RTL4: variants seen among roughly 807,000 people sequenced by gnomAD.
RTL4 encodes the protein retrotransposon Gag like 4, also known as retrotransposon Gag-like protein 4.
Under a neutral mutation model 5.3 loss-of-function variants are expected in RTL4, and 4 were observed. The ratio of observed to expected loss-of-function variants is 0.75; its 90% CI spans 0.37 to 1.72. The LOEUF is 1.72. Among genes scored for constraint, RTL4 ranks in the 40% most tolerant of loss-of-function variants. The pLI, the probability that RTL4 is intolerant of heterozygous loss-of-function variation, is 0.04. For synonymous variants in RTL4, 98 were observed against 87.3 expected, an observed-to-expected ratio of 1.12 and a Z score of -0.68; for missense variants, 260 against 227.1, an observed-to-expected ratio of 1.14 and a Z score of -0.93.
chrX:112,452,807 G>A (rs1252012697), upstream of RTL4, among the ~76,000 whole-genome samples: 9 of 111,385 alleles, frequency 8.1e-5, no homozygotes, highest in East Asian at 8.6e-4. Context: ...CGAGGCAGGC[G>A]GATCACCTGA....
chrX:112,325,389 G>T, the RTL4 span, among the ~76,000 whole-genome samples: 1 of 111,667 alleles, frequency 9.0e-6, no homozygotes, highest in Admixed American at 9.5e-5. Context: ...CACACTACCT[G>T]ACTTCAAACT....
At chrX:112,203,142 G>A in the RTL4 span, among the ~76,000 whole-genome samples, 1 of 110,626 alleles carries the variant, frequency 9.0e-6, no homozygotes, top group East Asian at 2.8e-4. Context: ...AGTTTTGAGA[G>A]TTCTAAATAC....
the RTL4 span, among the ~76,000 whole-genome samples, chrX:112,166,790 A>G: frequency 2.7e-5 from 3 of 112,258 alleles, no homozygotes; most frequent in African/African-American, 6.5e-5. Context: ...TAACAAAAGT[A>G]CGCACTGCAT....
At chrX:112,360,592 T>C in the RTL4 span, among the ~76,000 whole-genome samples, 3 of 110,162 alleles carry the variant, frequency 2.7e-5, no homozygotes, top group Non-Finnish European at 5.7e-5. Flanking sequence ...ACTTGACAGG[T>C]CTTTGAACTT....
chrX:112,305,213 A>G, the RTL4 span, among the ~76,000 whole-genome samples: 2 of 106,141 alleles, frequency 1.9e-5, no homozygotes, highest in African/African-American at 6.9e-5. Flanking sequence ...GCTCTGTCGC[A>G]GTGGCTCGAT....
the RTL4 span, among the ~76,000 whole-genome samples, chrX:112,434,995 G>A: frequency 9.0e-6 from 1 of 111,037 alleles, no homozygotes; most frequent in Non-Finnish European, 1.9e-5. Flanking sequence ...CAGCAGTATG[G>A]AATGAGTGCA....
At chrX:112,153,503 G>A in the RTL4 span, among the ~76,000 whole-genome samples, 62 of 111,644 alleles carry the variant, frequency 5.6e-4, no homozygotes, top group African/African-American at 2.0e-3. Flanking sequence ...GACTATTTAA[G>A]GTTCTTTTAT....
At chrX:112,220,962 C>T in the RTL4 span, among the ~76,000 whole-genome samples, 2 of 112,291 alleles carry the variant, frequency 1.8e-5, no homozygotes, top group Non-Finnish European at 3.8e-5. Context: ...TATCCAGTTC[C>T]AAAGTTGCTT....
At chrX:112,390,159 A>ATT in the RTL4 span, among the ~76,000 whole-genome samples, 1 of 52,957 alleles carries the variant, frequency 1.9e-5, no homozygotes, top group Non-Finnish European at 3.4e-5. Context: ...ATATATATAT[A>ATT]TTTAGGATCG....
At chrX:112,393,147 C>CTTTTTTTTTTTTGTTTTT in the RTL4 span, among the ~76,000 whole-genome samples, 2 of 81,488 alleles carry the variant, frequency 2.5e-5, no homozygotes, top group Non-Finnish European at 4.6e-5. Flanking sequence ...TTCTTTCTTT[C>CTTTTTTTTTTTTGTTTTT]TTTTTTTTTT....
At chrX:112,211,113 T>C in the RTL4 span, among the ~76,000 whole-genome samples, 1 of 112,436 alleles carries the variant, frequency 8.9e-6, no homozygotes, top group Non-Finnish European at 1.9e-5. Flanking sequence ...CATGAGATGA[T>C]ATTAGTGGCC....
At chrX:112,138,138 T>C in the RTL4 span, among the ~76,000 whole-genome samples, 3 of 112,442 alleles carry the variant, frequency 2.7e-5, no homozygotes, top group African/African-American at 9.7e-5. Context: ...AAATAAGCCA[T>C]ATACAGAAGG....
At chrX:112,326,151 C>A in the RTL4 span, among the ~76,000 whole-genome samples, 1 of 111,643 alleles carries the variant, frequency 9.0e-6, no homozygotes, top group Non-Finnish European at 1.9e-5. Flanking sequence ...GAAACAGGAG[C>A]CAAGATGGCC....
the RTL4 span, among the ~76,000 whole-genome samples, chrX:112,226,259 A>G: frequency 8.9e-6 from 1 of 112,149 alleles, no homozygotes; most frequent in African/African-American, 3.2e-5. Context: ...TTTCAGGAAT[A>G]TCCTTTCCCT....
At chrX:112,147,335 C>G in the RTL4 span, among the ~76,000 whole-genome samples, 1 of 111,010 alleles carries the variant, frequency 9.0e-6, no homozygotes, top group East Asian at 2.8e-4. Flanking sequence ...AAGCACTCAA[C>G]TGGATGGATT....
chrX:112,158,669 A>G, the RTL4 span, among the ~76,000 whole-genome samples: 13 of 111,293 alleles, frequency 1.2e-4, no homozygotes, highest in East Asian at 3.7e-3. Context: ...CAATAGCTGC[A>G]TAGTATTCTA....
the RTL4 span, among the ~76,000 whole-genome samples, chrX:112,131,612 A>G: frequency 9.0e-6 from 1 of 111,683 alleles, no homozygotes; most frequent in Non-Finnish European, 1.9e-5. Flanking sequence ...TTCCCCCTTC[A>G]CTATTCGTAC....
chrX:112,216,425 C>A, the RTL4 span, among the ~76,000 whole-genome samples: 1 of 111,821 alleles, frequency 8.9e-6, no homozygotes, highest in Non-Finnish European at 1.9e-5. Context: ...GTTGTCATAG[C>A]CATAAACCCC....
the RTL4 span, among the ~76,000 whole-genome samples, chrX:112,431,444 C>A: frequency 9.0e-6 from 1 of 111,390 alleles, no homozygotes; most frequent in Non-Finnish European, 1.9e-5. Flanking sequence ...ATGACAGAGT[C>A]GCCCTGGAGT....
Sources: gnomAD v4.1 joint callset for allele counts (sites outside exome capture counted in the v4.1 genomes callset) on GRCh38, gnomAD v4.1.1 for gene constraint, MANE v1.5 for transcripts, NCBI Gene and HGNC (gene_info 2026-07-23, HGNC 2026-07-21) for gene names.